Variants in CCDC148 observed in about 807,000 individuals in gnomAD.
CCDC148 encodes coiled-coil domain-containing protein 148.
A neutral mutation model predicts 85.7 loss-of-function variants in CCDC148; 89 were observed. That is an observed-to-expected ratio of 1.04 (90% confidence interval 0.87 to 1.24). The LOEUF is 1.24. Ranked by LOEUF, CCDC148 falls within the 50% of genes most tolerant of loss-of-function variation. The probability of loss-of-function intolerance (pLI) is 0.00; values close to 1 mark genes in which losing one functional copy is unlikely to be tolerated. For synonymous variants in CCDC148, 230 were observed against 213.9 expected (o/e 1.08, Z -0.66); for missense variants, 692 against 671.7 (o/e 1.03, Z -0.33).
At chr2:158,214,657 G>A (rs1037551731) in intron 11 of CCDC148, among the ~76,000 whole-genome samples, 2 of 152,148 alleles carry the variant, frequency 1.3e-5, no homozygotes, top group Admixed American at 1.3e-4. Flanking sequence ...ACATCTGTCA[G>A]CTTTTGTAGC....
At chr2:158,444,785 G>GAAAAA (rs11433320) in intron 1 of CCDC148, among the ~76,000 whole-genome samples, 1 of 66,674 alleles carries the variant, frequency 1.5e-5, no homozygotes, top group Admixed American at 2.6e-4. Flanking sequence ...ACCCTGTCTT[G>GAAAAA]AAAAAAAAAA....
intron 1 of CCDC148, among the ~76,000 whole-genome samples, chr2:158,363,477 G>A (rs764760828): frequency 7.9e-5 from 12 of 151,996 alleles, no homozygotes; most frequent in Non-Finnish European, 1.5e-4. Flanking sequence ...TGATCAAGTC[G>A]GCTTCATATC....
intron 9 of CCDC148, among the ~76,000 whole-genome samples, chr2:158,273,495 C>T (rs531302435): frequency 3.3e-5 from 5 of 152,156 alleles, no homozygotes; most frequent in Admixed American, 6.5e-5. Flanking sequence ...CTGATGGGCA[C>T]GTGCGTCTTT....
chr2:158,418,570 C>T (rs528409812), intron 1 of CCDC148, among the ~76,000 whole-genome samples: 2 of 152,220 alleles, frequency 1.3e-5, no homozygotes, highest in East Asian at 3.9e-4. Flanking sequence ...ATGGCTAGTT[C>T]CTTCTCATAG....
intron 3 of CCDC148, among the ~76,000 whole-genome samples, chr2:158,344,205 T>C (rs989161484): frequency 5.3e-5 from 8 of 152,128 alleles, no homozygotes; most frequent in Admixed American, 2.6e-4. Flanking sequence ...ATTCACTCCA[T>C]AAAAGGTGAC....
chr2:158,301,152 C>T (rs1691422426), intron 9 of CCDC148, among the ~76,000 whole-genome samples: 1 of 152,138 alleles, frequency 6.6e-6, no homozygotes, highest in South Asian at 2.1e-4. Context: ...AGCCACTGTG[C>T]CTGGCCTGAA....
At chr2:158,359,672 A>C (rs1462007636) in intron 1 of CCDC148, among the ~76,000 whole-genome samples, 1 of 152,112 alleles carries the variant, frequency 6.6e-6, no homozygotes, top group African/African-American at 2.4e-5. Flanking sequence ...ACTTTTTCCC[A>C]TGGTCTTTGC....
At chr2:158,315,584 A>G (rs906888215) in intron 7 of CCDC148, among the ~76,000 whole-genome samples, 7 of 152,080 alleles carry the variant, frequency 4.6e-5, no homozygotes, top group Non-Finnish European at 8.8e-5. Flanking sequence ...GCTAGGTCCA[A>G]CCAGTTCTCT....
intron 11 of CCDC148, among the ~76,000 whole-genome samples, chr2:158,216,761 C>T (rs1686886079): frequency 6.6e-6 from 1 of 152,110 alleles, no homozygotes; most frequent in Admixed American, 6.5e-5. Flanking sequence ...GTGTGGCCTT[C>T]TTGCTTTAAT....
At chr2:158,302,248 G>C (rs1353815224) in intron 9 of CCDC148, among the ~76,000 whole-genome samples, 1 of 152,154 alleles carries the variant, frequency 6.6e-6, no homozygotes, top group Admixed American at 6.5e-5. Flanking sequence ...CTCAATGACT[G>C]AATTTTCTTG....
At chr2:158,241,424 A>G (rs552541259) in intron 10 of CCDC148, among the ~76,000 whole-genome samples, 4 of 152,224 alleles carry the variant, frequency 2.6e-5, no homozygotes, top group Admixed American at 1.3e-4. Context: ...TAAGAATTGT[A>G]TATCAGTTTG....
intron 9 of CCDC148, among the ~76,000 whole-genome samples, chr2:158,280,517 A>C (rs1690227309): frequency 1.3e-5 from 2 of 152,234 alleles, no homozygotes; most frequent in Non-Finnish European, 2.9e-5. Context: ...ACAAAGATCA[A>C]AAGAGACAAA....
At position 158,406,236 on chromosome 2, in the gene CCDC148, C is replaced by T. The variant is rs184087760; in HGVS notation, c.26-47666G>A. Among the ~76,000 whole-genome samples the T allele has an allele frequency of 6.8e-3, 1,029 of 152,152 alleles. 15 individuals are homozygous for T. The highest frequency in any genetic ancestry group is 0.024 in the African/African-American group (981 of 41,516). On this transcript the variant is annotated intron_variant, in intron 1 of 13. Coordinates refer to ENST00000283233, the MANE Select transcript of CCDC148 (RefSeq NM_138803.4). ...GAGACCTGAATGTCCTTACACATAC[C>T]CAAAGGCTGTCCACATCCCCTCTGC...
intron 1 of CCDC148, among the ~76,000 whole-genome samples, chr2:158,435,449 T>G (rs1184805138): frequency 6.6e-6 from 1 of 152,120 alleles, no homozygotes; most frequent in African/African-American, 2.4e-5. Flanking sequence ...CCACCACCAG[T>G]CCTGCCTTAC....
intron 8 of CCDC148, among the ~76,000 whole-genome samples, chr2:158,309,930 T>A (rs1015311340): frequency 6.6e-6 from 1 of 152,194 alleles, no homozygotes; most frequent in Non-Finnish European, 1.5e-5. Context: ...ATTTTTTAAA[T>A]TTTTTTAGTA....
chr2:158,427,653 T>C (rs569113941), intron 1 of CCDC148, among the ~76,000 whole-genome samples: 133 of 152,146 alleles, frequency 8.7e-4, no homozygotes, highest in African/African-American at 3.2e-3. Flanking sequence ...GAGGATTACT[T>C]GAGCTCAGGA....
At chr2:158,353,852 A>C (rs1291237106) in intron 2 of CCDC148, among the ~76,000 whole-genome samples, 4 of 152,192 alleles carry the variant, frequency 2.6e-5, no homozygotes, top group African/African-American at 4.8e-5. Flanking sequence ...GCAAATGTAA[A>C]AGAACAGAAA....
chr2:158,175,593 C>G (rs993185298), intron 13 of CCDC148, among the ~76,000 whole-genome samples: 2 of 152,146 alleles, frequency 1.3e-5, no homozygotes, highest in South Asian at 2.1e-4. Context: ...TTCCTCCAGA[C>G]AAGATCAGCC....
At chr2:158,316,841 C>T (rs1185226721) in intron 7 of CCDC148, among the ~76,000 whole-genome samples, 1 of 152,158 alleles carries the variant, frequency 6.6e-6, no homozygotes, top group East Asian at 1.9e-4. Flanking sequence ...ATAGTAGTCT[C>T]ATCACAATAA....
Sources: gnomAD v4.1 joint callset for allele counts (sites outside exome capture counted in the v4.1 genomes callset) on GRCh38, gnomAD v4.1.1 for gene constraint, MANE v1.5 for transcripts, NCBI Gene and HGNC (gene_info 2026-07-23, HGNC 2026-07-21) for gene names.